Variants in YWHAE observed in about 807,000 individuals in gnomAD.
The protein encoded by YWHAE is tyrosine 3-monooxygenase/tryptophan 5-monooxygenase activation protein epsilon, also known as 14-3-3 protein epsilon.
Under a neutral mutation model 30.1 loss-of-function variants are expected in YWHAE, and 4 were observed. The observed-to-expected ratio is 0.13, with a 90% confidence interval of 0.07 to 0.30. The LOEUF (loss-of-function observed/expected upper bound fraction) is 0.30. Ranked by LOEUF, YWHAE falls within the 10% of genes least tolerant of loss-of-function variation. The pLI is 1.00. For missense variants in YWHAE, 121 were observed against 315.9 expected (o/e 0.38, Z 4.68); for synonymous variants, 118 against 111.8 (o/e 1.06, Z -0.35).
chr17:1,383,943 C>A (rs1054023155), intron 1 of YWHAE, among the ~76,000 whole-genome samples: 1 of 151,984 alleles, frequency 6.6e-6, no homozygotes, highest in South Asian at 2.1e-4. Flanking sequence ...CAGTGGCTCA[C>A]GCCTGTAATT....
intron 1 of YWHAE, among the ~76,000 whole-genome samples, chr17:1,375,816 C>T (rs879098086): frequency 6.6e-6 from 1 of 152,226 alleles, no homozygotes; most frequent in Admixed American, 6.5e-5. Flanking sequence ...GACTTGTTAA[C>T]TGAGGTTTGG....
At position 1,345,628 on chromosome 17, in the gene YWHAE, A is replaced by G. The variant is rs536523036; in HGVS notation, c.716-129T>C. 83 of 917,328 alleles carry G rather than the reference A, an allele frequency of 9.0e-5. No homozygotes were observed. In the East Asian group the frequency reaches 2.1e-3, roughly 23 times the overall value. 56.8% of individuals were successfully genotyped at this position (917,328 alleles called of 1,614,324 possible). ...TACAATTGGTATTAAACGCAGGCAAAGGACTTCTATCATCCTTGACACCTG... is the reference window on the plus strand; with the variant it reads ...TACAATTGGTATTAAACGCAGGCAAGGGACTTCTATCATCCTTGACACCTG... On this transcript the variant is annotated intron_variant, in intron 5 of 5. Coordinates refer to ENST00000264335, the MANE Select transcript of YWHAE (RefSeq NM_006761.5).
intron 4 of YWHAE, among the ~76,000 whole-genome samples, chr17:1,359,814 G>T (rs1472145574): frequency 6.3e-5 from 2 of 31,620 alleles, no homozygotes; most frequent in South Asian, 1.3e-3. Flanking sequence ...CTAAATTGTT[G>T]TGTGTGTGTG....
chr17:1,375,973 C>T (rs973298224), intron 1 of YWHAE, among the ~76,000 whole-genome samples: 4 of 152,210 alleles, frequency 2.6e-5, no homozygotes, highest in Admixed American at 6.5e-5. Flanking sequence ...CCAAATGCTT[C>T]GCTGTATTAA....
chr17:1,360,591 C>A (rs1345109173), intron 4 of YWHAE, among the ~76,000 whole-genome samples: 1 of 151,642 alleles, frequency 6.6e-6, no homozygotes, highest in Non-Finnish European at 1.5e-5. Flanking sequence ...GTGAAAACAC[C>A]GTCTCTACTA....
At chr17:1,381,297 C>T (rs1285777167) in intron 1 of YWHAE, among the ~76,000 whole-genome samples, 1 of 151,762 alleles carries the variant, frequency 6.6e-6, no homozygotes, top group Non-Finnish European at 1.5e-5. Flanking sequence ...GGTGACTCAC[C>T]TGAGGTCAGG....
intron 1 of YWHAE, among the ~76,000 whole-genome samples, chr17:1,367,670 GAC>G (rs1347420844): frequency 2.0e-5 from 3 of 152,152 alleles, no homozygotes; most frequent in Non-Finnish European, 2.9e-5. Context: ...GAGAAGAGGA[GAC>G]GGGAGGGGAG....
At chr17:1,381,871 C>T (rs1246627932) in intron 1 of YWHAE, among the ~76,000 whole-genome samples, 1 of 147,676 alleles carries the variant, frequency 6.8e-6, no homozygotes, top group African/African-American at 2.5e-5. Context: ...CCAGACTGGC[C>T]CACTGTACTC....
chr17:1,400,167 ACT>A lies in YWHAE; in HGVS notation c.-59_-58del, dbSNP rs2073547331. ...CGGATGGAAGCGGATAGTGTCTCCG[ACT>A]CTCTCAGCCTCTCGCTCCGCGTCCG... On this transcript the variant is annotated 5_prime_UTR_variant, in exon 1 of 6. Coordinates refer to ENST00000264335, the MANE Select transcript of YWHAE (RefSeq NM_006761.5). 3.7e-6 allele frequency: 6 copies of A among 1,601,108 alleles called. No homozygotes were observed. The highest frequency in any genetic ancestry group is 2.7e-5 in the African/African-American group (2 of 74,538).
At chr17:1,399,015 G>A (rs1168255733) in intron 1 of YWHAE, 1 of 152,176 alleles carries the variant, frequency 6.6e-6, no homozygotes, top group East Asian at 1.9e-4. Flanking sequence ...AGCATTCCGA[G>A]CCTGCAGAGT....
chr17:1,384,244 G>A (rs2073263703), intron 1 of YWHAE, among the ~76,000 whole-genome samples: 1 of 151,604 alleles, frequency 6.6e-6, no homozygotes, highest in African/African-American at 2.4e-5. Flanking sequence ...AGGCATGGTG[G>A]GCACACCTGT....
intron 1 of YWHAE, 77 bp downstream of exon 1, chr17:1,399,970 T>C (rs2073542601): frequency 6.4e-7 from 1 of 1,573,282 alleles, no homozygotes; most frequent in Admixed American, 1.7e-5. Context: ...GCCGCCATTT[T>C]GTCTCCTGTT....
chr17:1,364,266 A>G (rs144102993), intron 2 of YWHAE, among the ~76,000 whole-genome samples: 1,837 of 150,262 alleles, frequency 0.012, 29 homozygotes, highest in East Asian at 0.053. Context: ...GCGCTCTGTC[A>G]CCCAGGCTGG....
At position 1,344,703 on chromosome 17, in the gene YWHAE, G is replaced by A. The variant is rs1460462367; in HGVS notation, c.*744C>T. On this transcript the variant is annotated 3_prime_UTR_variant, in exon 6 of 6. Transcript: ENST00000264335. ...ACTGAACAAAAGAGGTTGAGCGAGC[G>A]AAGGAGGGGAGGAGTGAGGGGAAGG... The A allele has an allele frequency of 1.3e-5, 3 of 231,714 alleles. No individual in the cohort carries two copies. Among genetic ancestry groups the A allele is most frequent in the Non-Finnish European group, 2.6e-5 (3 of 116,972 alleles). 14.4% of individuals were successfully genotyped at this position (231,714 alleles called of 1,614,324 possible). A position where few individuals can be genotyped will look rare whatever the true frequency, so the allele number is the denominator to read the frequency against.
intron 1 of YWHAE, among the ~76,000 whole-genome samples, chr17:1,368,293 T>C (rs2072977082): frequency 6.6e-6 from 1 of 151,964 alleles, no homozygotes; most frequent in Non-Finnish European, 1.5e-5. Context: ...AGAGAATTGC[T>C]TGAACTCGGG....
chr17:1,351,386 A>T (rs968629339), intron 5 of YWHAE, among the ~76,000 whole-genome samples: 25 of 152,150 alleles, frequency 1.6e-4, no homozygotes, highest in Admixed American at 2.6e-4. Flanking sequence ...CTCAAAAAAA[A>T]AAAATAAAAC....
At chr17:1,390,492 A>G (rs1273911538) in intron 1 of YWHAE, among the ~76,000 whole-genome samples, 1 of 152,240 alleles carries the variant, frequency 6.6e-6, no homozygotes, top group Non-Finnish European at 1.5e-5. Flanking sequence ...CACATTAGAT[A>G]AGAATGTTTC....
chr17:1,379,016 C>T (rs1200190921), intron 1 of YWHAE, among the ~76,000 whole-genome samples: 1 of 151,762 alleles, frequency 6.6e-6, no homozygotes, highest in Non-Finnish European at 1.5e-5. Flanking sequence ...AGATGGCTAA[C>T]CTGAATTATA....
In YWHAE at chr17:1,345,209, T is replaced by G. The variant is rs2072495281; in HGVS notation, c.*238A>C. 2.3e-5 allele frequency: 13 copies of G among 561,210 alleles called. No individual in the cohort carries two copies. The highest frequency in any genetic ancestry group is 4.1e-5 in the Non-Finnish European group (13 of 317,936). The allele number at this position is 561,210 out of a possible 1,614,324, so 34.8% of individuals were successfully genotyped here. A position where few individuals can be genotyped will look rare whatever the true frequency, so the allele number is the denominator to read the frequency against. On this transcript the variant is annotated 3_prime_UTR_variant, in exon 6 of 6. Transcript: ENST00000264335. The stretch of plus-strand genomic sequence containing the variant: ...AAAAGCCTCTATGTAGTCCTGTTAG[T>G]GTCTTAAAGAACCTAAAAGCTGGGA...
Sources: allele counts gnomAD v4.1 joint callset (sites outside exome capture counted in the v4.1 genomes callset), GRCh38; gene constraint gnomAD v4.1.1; transcripts MANE v1.5; gene names NCBI Gene and HGNC (gene_info 2026-07-23, HGNC 2026-07-21).